The following DPP6 variants were observed in gnomAD, a reference collection of about 807,000 sequenced individuals.
The protein encoded by DPP6 is A-type potassium channel modulatory protein DPP6.
Under a neutral mutation model 122.6 loss-of-function variants are expected in DPP6, and 69 were observed. The observed-to-expected ratio is 0.56, with a 90% CI of 0.46 to 0.69. DPP6 has a LOEUF of 0.69. DPP6 is among the 30% of genes least tolerant of loss of function. The pLI is 0.00. For synonymous variants in DPP6, 418 were observed against 433.1 expected, an observed-to-expected ratio of 0.97 and a Z score of 0.43; for missense variants, 928 against 1,116.9, an observed-to-expected ratio of 0.83 and a Z score of 2.41.
In DPP6 at chr7:154,650,695, C is replaced by T. The variant is rs939082588; in HGVS notation, c.680+12822C>T. ...TACCAGGATGTCAGACACCCAAGGG[C>T]AGTGCTGACATGCAGCCTGCCACTG... On this transcript the variant is annotated intron_variant, in intron 6 of 25. Transcript: ENST00000377770. Among the ~76,000 whole-genome samples the T allele has an allele frequency of 1.8e-4, 27 of 152,232 alleles. No homozygotes were observed. In the East Asian group the frequency reaches 2.9e-3, roughly 16 times the overall value.
Position 154,806,976 on chromosome 7 carries a change from C to T in DPP6, c.1548-18C>T, listed in dbSNP as rs748123699. ...TCCTCTCCGCCCACATTCACACCTG[C>T]GTCCTTTGCTCTTCCAGTGCCAACA... On this transcript the variant is annotated intron_variant, in intron 15 of 25. Transcript: ENST00000377770. 1.4e-5 allele frequency: 22 copies of T among 1,612,736 alleles called. No individual in the cohort carries two copies. Among genetic ancestry groups the T allele is most frequent in the African/African-American group, 4.0e-5 (3 of 74,940 alleles).
At chr7:154,038,222 C>A (rs866878465) in intron 1 of DPP6, among the ~76,000 whole-genome samples, 4 of 146,206 alleles carry the variant, frequency 2.7e-5, no homozygotes, top group Non-Finnish European at 5.9e-5. Flanking sequence ...GTGACAAACA[C>A]TGGTTATGAA....
chr7:153,924,870 G>C (rs1800817544), intron 1 of DPP6, among the ~76,000 whole-genome samples: 1 of 152,192 alleles, frequency 6.6e-6, no homozygotes, highest in African/African-American at 2.4e-5. Flanking sequence ...GGAGAAGTCA[G>C]AGTCCTGACT....
chr7:154,059,982 T>A (rs1801439341), intron 1 of DPP6, among the ~76,000 whole-genome samples: 1 of 151,642 alleles, frequency 6.6e-6, no homozygotes, highest in Non-Finnish European at 1.5e-5. Flanking sequence ...CATCCCCTCT[T>A]CCCCCCTGGC....
intron 1 of DPP6, among the ~76,000 whole-genome samples, chr7:154,373,469 C>T (rs542810222): frequency 3.9e-4 from 60 of 152,324 alleles, no homozygotes; most frequent in African/African-American, 1.4e-3. Context: ...CACAGGTGCT[C>T]ATGCTAGCTC....
intron 1 of DPP6, among the ~76,000 whole-genome samples, chr7:154,355,351 A>G (rs1443890962): frequency 6.6e-6 from 1 of 152,118 alleles, no homozygotes; most frequent in African/African-American, 2.4e-5. Flanking sequence ...ATTTTTCACA[A>G]TGGTGTCTTT....
chr7:154,455,512 G>A (rs1305401096), intron 2 of DPP6, among the ~76,000 whole-genome samples: 1 of 152,156 alleles, frequency 6.6e-6, no homozygotes, highest in Non-Finnish European at 1.5e-5. Flanking sequence ...CAAAAGGAGG[G>A]AGTTCTGACA....
intron 2 of DPP6, among the ~76,000 whole-genome samples, chr7:154,474,640 T>G (rs1822565113): frequency 6.6e-6 from 1 of 152,234 alleles, no homozygotes; most frequent in East Asian, 1.9e-4. Context: ...CACCCTATTG[T>G]TCATAAATCA....
rs1202508184 is a variant in DPP6, at chr7:154,821,620, T to A, written c.1666+14508T>A. 2.8e-4 allele frequency among the ~76,000 whole-genome samples: 35 copies of A among 126,524 alleles called. No homozygotes were observed. Among genetic ancestry groups the A allele is most frequent in the South Asian group, 5.4e-4 (2 of 3,718 alleles). The allele number at this position is 126,524 out of a possible 152,430, so 83.0% of individuals were successfully genotyped here. A position where few individuals can be genotyped will look rare whatever the true frequency, so the allele number is the denominator to read the frequency against. On this transcript the variant is annotated intron_variant, in intron 16 of 25. Transcript: ENST00000377770. This position sits in a 1 kb window ranked among gnomAD's most constrained non-coding sequence, Gnocchi z 4.2. ...TTAAGTGAATATATATATATATATT[T>A]TTTTTCTGTATATATATATATATAT...
intron 7 of DPP6, among the ~76,000 whole-genome samples, chr7:154,709,892 T>C (rs1456140195): frequency 6.6e-6 from 1 of 152,228 alleles, no homozygotes; most frequent in East Asian, 1.9e-4. Context: ...GGTTGGCCTA[T>C]GTCAGGGGCC....
chr7:154,880,259 G>A (rs1025272715), intron 20 of DPP6, among the ~76,000 whole-genome samples: 1 of 152,224 alleles, frequency 6.6e-6, no homozygotes, highest in African/African-American at 2.4e-5. Context: ...CAAGGGTGAG[G>A]CAGGGACCCA....
intron 16 of DPP6, among the ~76,000 whole-genome samples, chr7:154,810,413 T>C (rs1798976154): frequency 1.3e-5 from 2 of 152,174 alleles, no homozygotes; most frequent in Non-Finnish European, 2.9e-5. Context: ...CACAGCCTGG[T>C]GTTGGGAGGC....
chr7:154,267,973 A>C, intron 1 of DPP6, among the ~76,000 whole-genome samples: 1 of 151,492 alleles, frequency 6.6e-6, no homozygotes, highest in African/African-American at 2.4e-5. Flanking sequence ...ACACACGTAT[A>C]TGCGCACATA....
chr7:154,101,578 T>C (rs1164558133), intron 1 of DPP6, among the ~76,000 whole-genome samples: 2 of 151,836 alleles, frequency 1.3e-5, no homozygotes, highest in Non-Finnish European at 2.9e-5. Flanking sequence ...GCAAGAAATA[T>C]GCAGGCAAAA....
At chr7:153,942,248 T>C (rs1801730235) in intron 1 of DPP6, among the ~76,000 whole-genome samples, 1 of 152,258 alleles carries the variant, frequency 6.6e-6, no homozygotes, top group Non-Finnish European at 1.5e-5. Flanking sequence ...ATCCTGCCAA[T>C]GGCCATCCTT....
intron 5 of DPP6, among the ~76,000 whole-genome samples, chr7:154,572,004 G>T (rs1831141142): frequency 6.6e-6 from 1 of 152,148 alleles, no homozygotes. Context: ...GAGCTCACCT[G>T]GGGAGGAGTC....
At position 154,606,697 on chromosome 7, in the gene DPP6, A is replaced by G. The variant is rs146211533; in HGVS notation, c.628-31124A>G. Among the ~76,000 whole-genome samples, 898 of 121,512 alleles carry G rather than the reference A, an allele frequency of 7.4e-3. 166 individuals carry two copies. The highest frequency in any genetic ancestry group is 0.022 in the African/African-American group (828 of 38,132). The allele number at this position is 121,512 out of a possible 152,430, so 79.7% of individuals were successfully genotyped here. ...TTAGAATAATTTTTGGACACTTATG[A>G]CAATTTGAGAAAACTCACAGATGAA... On this transcript the variant is annotated intron_variant, in intron 5 of 25. Transcript: ENST00000377770.
At chr7:154,401,532 C>A (rs1815598329) in intron 1 of DPP6, among the ~76,000 whole-genome samples, 1 of 152,126 alleles carries the variant, frequency 6.6e-6, no homozygotes, top group Non-Finnish European at 1.5e-5. Context: ...ATCCTTTCTG[C>A]TGAGCCAATA....
intron 1 of DPP6, among the ~76,000 whole-genome samples, chr7:153,996,890 A>G (rs1396226642): frequency 6.6e-6 from 1 of 152,210 alleles, no homozygotes; most frequent in Non-Finnish European, 1.5e-5. Context: ...TATGTATGTT[A>G]TATGAATGTT....
Sources: gnomAD v4.1 joint callset for allele counts (sites outside exome capture counted in the v4.1 genomes callset) on GRCh38, gnomAD v4.1.1 for gene constraint, Gnocchi (gnomAD v3.1) non-coding constraint, MANE v1.5 for transcripts, NCBI Gene and HGNC (gene_info 2026-07-23, HGNC 2026-07-21) for gene names.